Variants in NUP133 observed in about 807,000 individuals in gnomAD.
The protein encoded by NUP133 is nucleoporin 133.
A neutral mutation model predicts 146.2 loss-of-function variants in NUP133; 66 were observed. The observed-to-expected ratio is 0.45, with a 90% CI of 0.37 to 0.55. The LOEUF (loss-of-function observed/expected upper bound fraction) is 0.55, where lower values mean the gene tolerates loss of function less well. Among genes scored for constraint, NUP133 ranks in the 20% least tolerant of loss-of-function variants. The probability of loss-of-function intolerance (pLI) is 0.00; values close to 1 mark genes in which losing one functional copy is unlikely to be tolerated. For missense variants in NUP133, 1,277 were observed against 1,374.8 expected (o/e 0.93, Z 1.12); for synonymous variants, 521 against 498.8 (o/e 1.04, Z -0.59).
chr1:229,495,750 C>T (rs888724024), intron 7 of NUP133, 142 bp downstream of exon 7: 9 of 910,436 alleles, frequency 9.9e-6, no homozygotes, highest in Admixed American at 8.8e-5. Context: ...ATTGACTAAC[C>T]CATTTCCACT....
chr1:229,442,139 T>C, intron 25 of NUP133, 99 bp from the exon 26 acceptor site: 5 of 1,171,340 alleles, frequency 4.3e-6, no homozygotes, highest in Non-Finnish European at 6.0e-6. Context: ...TCTATTTAAA[T>C]ATAACGTCAC....
rs1259592310 is a variant in NUP133 at position 229,498,159 on chromosome 1, A to C, written c.796T>G (p.Leu266Val). The change falls in exon 6 of 26, where the codon TTA (leucine) becomes GTA (valine). Residue 266 changes from leucine (L) to valine (V), a missense_variant. This residue lies in a region of NUP133 where 952 missense variants were observed against 1,047.0 expected (regional missense o/e 0.91). Transcript: ENST00000261396. ...GRKVSSLFGI[L>V]SPSSDLTLSS... ...ACTGTGAGATCACTACTAGGAGATA[A>C]AATTCCAAAAAGAGAAGAAACTTTT... 6.2e-7 allele frequency: 1 copy of C among 1,609,342 alleles called. No individual in the cohort carries two copies. Among genetic ancestry groups the C allele is most frequent in the Non-Finnish European group, 8.5e-7 (1 of 1,178,748 alleles).
rs752140322 is a variant in NUP133 at position 229,487,561 on chromosome 1, G to C, written c.1247C>G (p.Thr416Ser). ...AGCACTTTCGTTATACAGATAGGCA[G>C]TCTGGTTTGAAAAGTTTGGGACCGT... Reference protein sequence around the residue: ...QLTVPNFSNQTAYLYNESAVY... With the variant: ...QLTVPNFSNQSAYLYNESAVY... The change falls in exon 10 of 26, where the codon ACT becomes AGT. Residue 416 changes from threonine (T) to serine (S), a missense_variant. Coordinates refer to ENST00000261396, the MANE Select transcript of NUP133 (RefSeq NM_018230.3). 1 of 1,613,514 alleles carries C rather than the reference G, an allele frequency of 6.2e-7. No homozygotes were observed. The highest frequency in any genetic ancestry group is 2.2e-5 in the East Asian group (1 of 44,854).
At chr1:229,458,912 A>AT (rs1660628914) in intron 20 of NUP133, among the ~76,000 whole-genome samples, 7 of 152,166 alleles carry the variant, frequency 4.6e-5, no homozygotes, top group African/African-American at 1.7e-4. Context: ...TAGAATGGCA[A>AT]TACCATCACA....
chr1:229,474,479 A>T (rs1356062878), intron 14 of NUP133, among the ~76,000 whole-genome samples: 1 of 152,256 alleles, frequency 6.6e-6, no homozygotes, highest in African/African-American at 2.4e-5. Flanking sequence ...AAGAGTAGAC[A>T]GGAGATAAAC....
intron 1 of NUP133, among the ~76,000 whole-genome samples, chr1:229,507,486 T>G (rs913945986): frequency 6.6e-6 from 1 of 152,138 alleles, no homozygotes; most frequent in Non-Finnish European, 1.5e-5. Context: ...AACGAGCAGT[T>G]TTAGTAACTA....
In NUP133 at chr1:229,502,051, A is replaced by C. The variant is rs1571941933; in HGVS notation, c.353T>G (p.Val118Gly). 1 of 1,614,052 alleles carries C rather than the reference A, an allele frequency of 6.2e-7. No individual in the cohort carries two copies. The highest frequency in any genetic ancestry group is 8.5e-7 in the Non-Finnish European group (1 of 1,179,960). ...CCAAATAATGAGCTTCTCTTTGCAC[A>C]CCAGACAAGCCCATCCACCTTCATC... ...NIDEGGWACLVCKEKLIIWKI... is the reference protein window; with the variant it reads ...NIDEGGWACLGCKEKLIIWKI... The change falls in exon 3 of 26, where the codon GTG becomes GGG. Residue 118 changes from valine to glycine, a missense_variant. By Grantham distance (109) the Val-to-Gly change is moderately radical. Around this residue, in one of 3 missense-constraint regions of NUP133, gnomAD observed 319 missense variants for 306.9 expected, o/e 1.04. Coordinates refer to ENST00000261396, the MANE Select transcript of NUP133 (RefSeq NM_018230.3).
chr1:229,471,118 T>C (rs1425645327), intron 14 of NUP133, among the ~76,000 whole-genome samples: 1 of 152,170 alleles, frequency 6.6e-6, no homozygotes, highest in Admixed American at 6.5e-5. Context: ...GTCACACTGC[T>C]CTTTTCGTCT....
chr1:229,460,297 G>C (rs1660663420), intron 20 of NUP133, among the ~76,000 whole-genome samples: 1 of 152,176 alleles, frequency 6.6e-6, no homozygotes, highest in Non-Finnish European at 1.5e-5. Context: ...CAGAGCTCAA[G>C]TGATCCTCCT....
Position 229,470,574 on chromosome 1 carries a change from T to C in NUP133, c.2076+6A>G. 6.2e-7 allele frequency: 1 copy of C among 1,611,234 alleles called. No homozygotes were observed. The highest frequency in any genetic ancestry group is 8.5e-7 in the Non-Finnish European group (1 of 1,177,312). On this transcript the variant is annotated splice_donor_region_variant and intron_variant, in intron 15 of 25. Coordinates refer to ENST00000261396, the MANE Select transcript of NUP133 (RefSeq NM_018230.3). Reference sequence around the variant, plus strand: ...ACAAAGCCACATGAAAGAGGACTCATCTTACCTCCCTGAAAAAGACATCTG... The same window carrying C: ...ACAAAGCCACATGAAAGAGGACTCACCTTACCTCCCTGAAAAAGACATCTG...
intron 14 of NUP133, among the ~76,000 whole-genome samples, chr1:229,471,659 T>C (rs1450116726): frequency 6.6e-6 from 1 of 152,176 alleles, no homozygotes; most frequent in Non-Finnish European, 1.5e-5. Context: ...TACAATAACC[T>C]GAACTAGGAA....
chr1:229,508,281 G>T lies in NUP133; in HGVS notation c.-32C>A, dbSNP rs770295477. 23 of 1,401,248 alleles carry T rather than the reference G, an allele frequency of 1.6e-5. No individual in the cohort carries two copies. The South Asian group carries it at 3.3e-4, about 20-fold the overall frequency. The allele number at this position is 1,401,248 out of a possible 1,614,324, so 86.8% of individuals were successfully genotyped here. ...AAGGAGCAGCGACTAGGACAGCGAG[G>T]GATCTGGCCGTCAGGTTGCAGCCTG... On this transcript the variant is annotated 5_prime_UTR_variant, in exon 1 of 26. Transcript: ENST00000261396.
At position 229,442,095 on chromosome 1, in the gene NUP133, A is replaced by G; in HGVS notation, c.3335-55T>C. On this transcript the variant is annotated intron_variant, in intron 25 of 25. Coordinates refer to ENST00000261396, the MANE Select transcript of NUP133 (RefSeq NM_018230.3). ...TCAATTATTATAAAATGCTCAAATG[A>G]ATTCTGATGATTGATGACAAAAGCA... 3 of 1,498,890 alleles carry G rather than the reference A, an allele frequency of 2.0e-6. No homozygotes were observed. The East Asian group carries it at 7.6e-5, about 38-fold the overall frequency. 92.8% of individuals were successfully genotyped at this position (1,498,890 alleles called of 1,614,324 possible). A position where few individuals can be genotyped will look rare whatever the true frequency, so the allele number is the denominator to read the frequency against.
chr1:229,501,974 T>C (rs1375149339), intron 3 of NUP133, 25 bp downstream of exon 3: 3 of 1,520,406 alleles, frequency 2.0e-6, no homozygotes, highest in Non-Finnish European at 2.7e-6. Context: ...CTCTATCTTG[T>C]TCCAGCTCTC....
chr1:229,505,979 A>T lies in NUP133; in HGVS notation c.301+61T>A, dbSNP rs576037759. On this transcript the variant is annotated intron_variant, in intron 2 of 25. Coordinates refer to ENST00000261396, the MANE Select transcript of NUP133 (RefSeq NM_018230.3). ...TAGAGAAAACATAAATTTAATCTCT[A>T]TGCCACATCTAGGCTCCATTTTAAA... The T allele has an allele frequency of 1.4e-4, 129 of 938,666 alleles. 1 individual carries two copies. In the South Asian group the frequency reaches 1.7e-3, roughly 12 times the overall value. The allele number at this position is 938,666 out of a possible 1,614,324, so 58.1% of individuals were successfully genotyped here.
intron 24 of NUP133, among the ~76,000 whole-genome samples, chr1:229,447,609 G>T (rs191112837): frequency 2.1e-4 from 32 of 152,180 alleles, no homozygotes; most frequent in Non-Finnish European, 2.6e-4. Flanking sequence ...GGAGGGAAGA[G>T]GGGCTGAAGG....
At position 229,506,630 on chromosome 1, in the gene NUP133, G is replaced by A. The variant is rs79559330; in HGVS notation, c.183-472C>T. ...GCTTAAGAGTCCACCAGACCTGGCC[G>A]GAGCAGTGGCTCATGTCTATAATCT... On this transcript the variant is annotated intron_variant, in intron 1 of 25. Coordinates refer to ENST00000261396, the MANE Select transcript of NUP133 (RefSeq NM_018230.3). Among the ~76,000 whole-genome samples the A allele has an allele frequency of 9.1e-3, 1,385 of 151,858 alleles. 20 individuals are homozygous for A. The highest frequency in any genetic ancestry group is 0.032 in the African/African-American group (1,305 of 41,400).
At chr1:229,473,537 T>C (rs916911374) in intron 14 of NUP133, among the ~76,000 whole-genome samples, 2 of 152,046 alleles carry the variant, frequency 1.3e-5, no homozygotes. Context: ...AATCCATGCT[T>C]TTAGTGTGGC....
At chr1:229,486,040 T>C (rs1405574377) in intron 11 of NUP133, among the ~76,000 whole-genome samples, 2 of 152,096 alleles carry the variant, frequency 1.3e-5, no homozygotes, top group African/African-American at 4.8e-5. Context: ...CGCATGTCTG[T>C]AGTCCCAGCT....
Sources: allele counts gnomAD v4.1 joint callset (sites outside exome capture counted in the v4.1 genomes callset), GRCh38; gene constraint gnomAD v4.1.1; regional missense constraint gnomAD v4.1.1; transcripts MANE v1.5; gene names NCBI Gene and HGNC (gene_info 2026-07-23, HGNC 2026-07-21).